Variants in PTPRD observed in about 807,000 individuals in gnomAD.
PTPRD encodes the protein receptor-type tyrosine-protein phosphatase delta.
In PTPRD, 34 loss-of-function variants were observed where a neutral mutation model predicts 214.5. The ratio of observed to expected loss-of-function variants is 0.16; its 90% CI spans 0.12 to 0.21. The LOEUF (loss-of-function observed/expected upper bound fraction) is 0.21. Ranked by LOEUF, PTPRD falls within the 10% of genes least tolerant of loss-of-function variation. The probability of loss-of-function intolerance (pLI) is 1.00; values close to 1 mark genes in which losing one functional copy is unlikely to be tolerated. For synonymous variants in PTPRD, 1,128 were observed against 845.7 expected, an observed-to-expected ratio of 1.33 and a Z score of -5.79; for missense variants, 2,545 against 2,398.7, an observed-to-expected ratio of 1.06 and a Z score of -1.27.
intron 7 of PTPRD, among the ~76,000 whole-genome samples, chr9:9,721,597 G>C (rs1172841684): frequency 1.3e-5 from 2 of 152,114 alleles, no homozygotes; most frequent in Non-Finnish European, 2.9e-5. Flanking sequence ...CAGTCATGAT[G>C]CTACGGGAGT....
intron 10 of PTPRD, among the ~76,000 whole-genome samples, chr9:9,049,888 T>G (rs554244254): frequency 6.6e-6 from 1 of 152,308 alleles, no homozygotes; most frequent in African/African-American, 2.4e-5. Context: ...AGACCCCAAC[T>G]TTGAGATTAG....
chr9:8,384,645 G>A (rs964886516), intron 37 of PTPRD, among the ~76,000 whole-genome samples: 6 of 152,148 alleles, frequency 3.9e-5, no homozygotes, highest in Admixed American at 1.3e-4. Flanking sequence ...TCCTGCCTCC[G>A]CCTCCTGAGT....
chr9:10,378,246 G>C (rs1179741967), intron 2 of PTPRD, among the ~76,000 whole-genome samples: 1 of 151,918 alleles, frequency 6.6e-6, no homozygotes, highest in Non-Finnish European at 1.5e-5. Context: ...TGAAAATATA[G>C]TTTCCAGTTC....
intron 4 of PTPRD, among the ~76,000 whole-genome samples, chr9:10,027,691 AT>A (rs761913576): frequency 6.6e-6 from 1 of 152,148 alleles, no homozygotes; most frequent in Non-Finnish European, 1.5e-5. Flanking sequence ...CAAAAAATAC[AT>A]TTTTTCTAAA....
chr9:8,534,609 TA>T (rs141150175), intron 14 of PTPRD, among the ~76,000 whole-genome samples: 15,147 of 151,664 alleles, frequency 0.1, 860 homozygotes, highest in East Asian at 0.24. Flanking sequence ...AGCGTATTTT[TA>T]AAATGACATT....
At chr9:9,698,005 T>C (rs2097415374) in intron 7 of PTPRD, among the ~76,000 whole-genome samples, 1 of 152,214 alleles carries the variant, frequency 6.6e-6, no homozygotes, top group Non-Finnish European at 1.5e-5. Flanking sequence ...AATTTTTAAT[T>C]ATTTCTCTGT....
At chr9:8,690,345 G>A (rs1353757403) in intron 12 of PTPRD, among the ~76,000 whole-genome samples, 1 of 151,824 alleles carries the variant, frequency 6.6e-6, no homozygotes, top group Non-Finnish European at 1.5e-5. Context: ...GGATAACGCA[G>A]TGAAAAGCTG....
chr9:9,108,754 T>C (rs2099802190), intron 10 of PTPRD, among the ~76,000 whole-genome samples: 1 of 152,186 alleles, frequency 6.6e-6, no homozygotes, highest in Non-Finnish European at 1.5e-5. Context: ...AAATACCAGG[T>C]GAGCAGTAAT....
chr9:9,211,197 T>C (rs768013011), intron 9 of PTPRD, among the ~76,000 whole-genome samples: 28 of 152,096 alleles, frequency 1.8e-4, no homozygotes, highest in Non-Finnish European at 3.4e-4. Context: ...CTTATAAAGG[T>C]CTGTATTGCC....
chr9:8,923,794 G>A (rs932840070), intron 11 of PTPRD, among the ~76,000 whole-genome samples: 8 of 152,114 alleles, frequency 5.3e-5, no homozygotes, highest in Non-Finnish European at 7.3e-5. Context: ...GTGGCTCTAC[G>A]TGCCAGATGG....
chr9:8,909,177 C>T (rs2098729480), intron 11 of PTPRD, among the ~76,000 whole-genome samples: 1 of 151,880 alleles, frequency 6.6e-6, no homozygotes, highest in Non-Finnish European at 1.5e-5. Context: ...CACATTGTTT[C>T]CCTAGTGAAT....
intron 3 of PTPRD, among the ~76,000 whole-genome samples, chr9:10,319,048 G>A (rs545256140): frequency 6.6e-6 from 1 of 151,940 alleles, no homozygotes; most frequent in African/African-American, 2.4e-5. Context: ...ATGGAATCAT[G>A]TGACCAACTC....
intron 33 of PTPRD, among the ~76,000 whole-genome samples, chr9:8,454,183 G>T (rs987163322): frequency 6.6e-6 from 1 of 152,086 alleles, no homozygotes; most frequent in Non-Finnish European, 1.5e-5. Context: ...ATATCATTAG[G>T]TGATCTGTAC....
intron 10 of PTPRD, among the ~76,000 whole-genome samples, chr9:9,106,612 C>CAAAAAAA (rs5896301): frequency 1.5e-4 from 11 of 71,618 alleles, no homozygotes; most frequent in East Asian, 5.4e-4. Flanking sequence ...ATTCCATAGG[C>CAAAAAAA]AAAAAAAAAA....
chr9:8,679,530 T>C (rs1208963675), intron 12 of PTPRD, among the ~76,000 whole-genome samples: 6 of 152,230 alleles, frequency 3.9e-5, no homozygotes, highest in South Asian at 4.1e-4. Flanking sequence ...TCAGACAGCA[T>C]AGAACGCCTT....
intron 34 of PTPRD, chr9:8,438,613 T>G (rs1047103310): frequency 1.3e-5 from 2 of 152,232 alleles, no homozygotes; most frequent in African/African-American, 4.8e-5. Flanking sequence ...TAGGTGACTT[T>G]AGGCTTATCT....
chr9:8,722,003 C>A (rs1360647370), intron 12 of PTPRD, among the ~76,000 whole-genome samples: 1 of 152,162 alleles, frequency 6.6e-6, no homozygotes, highest in Admixed American at 6.5e-5. Flanking sequence ...GTTGAGAGAC[C>A]ACTGGGTTGT....
At chr9:8,762,762 C>T (rs1183194349) in intron 11 of PTPRD, among the ~76,000 whole-genome samples, 1 of 152,152 alleles carries the variant, frequency 6.6e-6, no homozygotes, top group African/African-American at 2.4e-5. Context: ...AAACGTCTCT[C>T]TTTATGGCAG....
intron 8 of PTPRD, among the ~76,000 whole-genome samples, chr9:9,486,113 T>G (rs531639282): frequency 1.7e-5 from 2 of 116,998 alleles, no homozygotes; most frequent in South Asian, 5.8e-4. Context: ...ATCACGCCAC[T>G]GCACTCCAGT....
Sources: gnomAD v4.1 joint callset for allele counts (sites outside exome capture counted in the v4.1 genomes callset) on GRCh38, gnomAD v4.1.1 for gene constraint, MANE v1.5 for transcripts, NCBI Gene and HGNC (gene_info 2026-07-23, HGNC 2026-07-21) for gene names.